The following FER variants were observed in gnomAD, a reference collection of about 807,000 sequenced individuals.
The protein encoded by FER is tyrosine-protein kinase Fer.
FER carries 63 observed loss-of-function variants against 111.0 expected under a neutral mutation model. That is an observed-to-expected ratio of 0.57 (90% CI 0.46 to 0.70). FER has a LOEUF of 0.70. Among genes scored for constraint, FER ranks in the 30% least tolerant of loss-of-function variants. FER has a pLI of 0.00. For synonymous variants in FER, 327 were observed against 313.9 expected, an observed-to-expected ratio of 1.04 and a Z score of -0.44; for missense variants, 914 against 954.0, an observed-to-expected ratio of 0.96 and a Z score of 0.55.
intron 17 of FER, among the ~76,000 whole-genome samples, chr5:109,118,074 C>T (rs1750482533): frequency 2.0e-5 from 3 of 152,108 alleles, no homozygotes; most frequent in South Asian, 4.2e-4. Flanking sequence ...AGAGGGCATC[C>T]GTGTCTTGTG....
intron 16 of FER, chr5:109,052,058 T>A: frequency 6.2e-7 from 1 of 1,603,970 alleles, no homozygotes; most frequent in Non-Finnish European, 8.5e-7. Flanking sequence ...TACTTGAACT[T>A]CTTTATCTCA....
At chr5:108,785,083 CA>C (rs1051257584) in intron 2 of FER, 2 of 417,990 alleles carry the variant, frequency 4.8e-6, no homozygotes, top group African/African-American at 4.1e-5. Flanking sequence ...TGCCTAACAG[CA>C]GCAACCCTAT....
intron 13 of FER, among the ~76,000 whole-genome samples, chr5:108,977,417 C>T (rs1364724992): frequency 6.6e-6 from 1 of 152,032 alleles, no homozygotes; most frequent in African/African-American, 2.4e-5. Context: ...AATTCATCTG[C>T]TTTTCCAAGT....
At position 108,907,107 on chromosome 5, in the gene FER, T is replaced by C. The variant is rs992408067; in HGVS notation, c.1236+9259T>C. 2.0e-5 allele frequency among the ~76,000 whole-genome samples: 3 copies of C among 152,194 alleles called. No individual in the cohort carries two copies. The East Asian group carries it at 5.8e-4, about 29-fold the overall frequency. Reference sequence around the variant, plus strand: ...ACTTCATAGGATTGTTGGATGTATTTATGAATGAATGTAAAAACAATATAC... The same window carrying C: ...ACTTCATAGGATTGTTGGATGTATTCATGAATGAATGTAAAAACAATATAC... On this transcript the variant is annotated intron_variant, in intron 10 of 19. Coordinates refer to ENST00000281092, the MANE Select transcript of FER (RefSeq NM_005246.4).
At chr5:108,872,328 G>T in intron 8 of FER, 116 bp downstream of exon 8, 1 of 962,492 alleles carries the variant, frequency 1.0e-6, no homozygotes. Flanking sequence ...AATTTTTGGG[G>T]TCAGAGTGAC....
intron 13 of FER, among the ~76,000 whole-genome samples, chr5:108,996,402 A>C (rs1260939712): frequency 1.3e-5 from 2 of 152,164 alleles, no homozygotes; most frequent in Non-Finnish European, 2.9e-5. Context: ...TAGGTCTTAC[A>C]TTTAAGTATT....
intron 9 of FER, among the ~76,000 whole-genome samples, chr5:108,883,860 T>G (rs138577612): frequency 1.4e-4 from 21 of 152,106 alleles, no homozygotes; most frequent in Middle Eastern, 3.4e-3. Context: ...TGAATTCCCC[T>G]GTTAAGAAAG....
At chr5:109,155,101 CAT>C (rs979060585) in intron 17 of FER, among the ~76,000 whole-genome samples, 1 of 151,866 alleles carries the variant, frequency 6.6e-6, no homozygotes, top group African/African-American at 2.4e-5. Flanking sequence ...TCAAAAGTAA[CAT>C]GTCACACATT....
chr5:108,785,346 T>C, intron 2 of FER: 1 of 575,586 alleles, frequency 1.7e-6, no homozygotes, highest in Non-Finnish European at 3.4e-6. Context: ...TGCTACTGGC[T>C]CTGTGCTGCC....
intron 9 of FER, among the ~76,000 whole-genome samples, chr5:108,888,650 G>A (rs922957527): frequency 1.3e-5 from 2 of 151,814 alleles, no homozygotes; most frequent in Admixed American, 6.6e-5. Context: ...ACTTACTGAA[G>A]TATGTATTGC....
At chr5:109,049,331 T>A (rs1423925619) in intron 16 of FER, among the ~76,000 whole-genome samples, 1 of 152,172 alleles carries the variant, frequency 6.6e-6, no homozygotes, top group African/African-American at 2.4e-5. Context: ...TGGGGAAGAA[T>A]CTGCTACCAA....
chr5:108,830,410 C>T (rs903216952), intron 3 of FER, among the ~76,000 whole-genome samples: 6 of 152,068 alleles, frequency 3.9e-5, no homozygotes, highest in Non-Finnish European at 8.8e-5. Flanking sequence ...GTGGAGATTG[C>T]GTGACTGCAC....
At chr5:108,985,579 C>G (rs1439787350) in intron 13 of FER, among the ~76,000 whole-genome samples, 1 of 152,022 alleles carries the variant, frequency 6.6e-6, no homozygotes, top group East Asian at 1.9e-4. Context: ...GTCTTATATC[C>G]CTGATTCCCT....
At chr5:108,877,182 A>C (rs934755697) in intron 8 of FER, among the ~76,000 whole-genome samples, 9 of 151,982 alleles carry the variant, frequency 5.9e-5, no homozygotes, top group Admixed American at 2.6e-4. Context: ...GCTTTTACCA[A>C]ATCTGTTTTT....
chr5:108,996,172 G>T (rs994463612), intron 13 of FER, among the ~76,000 whole-genome samples: 1 of 152,154 alleles, frequency 6.6e-6, no homozygotes, highest in African/African-American at 2.4e-5. Context: ...CCCTTTGTCA[G>T]ATGGAGAGAT....
intron 16 of FER, among the ~76,000 whole-genome samples, chr5:109,063,716 G>T (rs73213525): frequency 0.01 from 1,529 of 152,202 alleles, 27 homozygotes; most frequent in African/African-American, 0.035. Flanking sequence ...CGTTGCAAAC[G>T]GATTACTAAA....
intron 16 of FER, among the ~76,000 whole-genome samples, chr5:109,085,925 G>A (rs1047474384): frequency 6.6e-6 from 1 of 151,674 alleles, no homozygotes; most frequent in Admixed American, 6.6e-5. Flanking sequence ...CCTTTTCAAA[G>A]TATTGCTGCA....
At position 109,187,234 on chromosome 5, in the gene FER, TAGAACTCTA is replaced by T. The variant is rs577583334; in HGVS notation, c.2327-195_2327-187del. Among the ~76,000 whole-genome samples, 10 of 152,304 alleles carry T rather than the reference TAGAACTCTA, an allele frequency of 6.6e-5. No individual in the cohort carries two copies. The South Asian group carries it at 2.1e-3, about 32-fold the overall frequency. On this transcript the variant is annotated intron_variant, in intron 19 of 19. Transcript: ENST00000281092. ...AACAAATAAAAAATGTTCTTTGAAT[TAGAACTCTA>T]AGACTCTGTAATATTGAATTCTGCA...
intron 2 of FER, among the ~76,000 whole-genome samples, chr5:108,794,019 G>T (rs914174444): frequency 6.6e-6 from 1 of 151,738 alleles, no homozygotes; most frequent in African/African-American, 2.4e-5. Flanking sequence ...TTTTTGATTG[G>T]TTCATCTTGT....
Sources: allele counts gnomAD v4.1 joint callset (sites outside exome capture counted in the v4.1 genomes callset), GRCh38; gene constraint gnomAD v4.1.1; transcripts MANE v1.5; gene names NCBI Gene and HGNC (gene_info 2026-07-23, HGNC 2026-07-21).